The following MMS22L variants were observed in gnomAD, a reference collection of about 807,000 sequenced individuals.
The protein encoded by MMS22L is MMS22 like, DNA repair protein, also known as protein MMS22-like.
In MMS22L, 74 loss-of-function variants were observed where a neutral mutation model predicts 159.1. That is an observed-to-expected ratio of 0.47 (90% CI 0.39 to 0.56). MMS22L has a LOEUF of 0.56. Ranked by LOEUF, MMS22L falls within the 20% of genes least tolerant of loss-of-function variation. The pLI is 0.00. For synonymous variants in MMS22L, 517 were observed against 506.9 expected, an observed-to-expected ratio of 1.02 and a Z score of -0.27; for missense variants, 1,351 against 1,422.1, an observed-to-expected ratio of 0.95 and a Z score of 0.80.
chr6:97,249,298 A>G (rs1160571307), intron 10 of MMS22L, among the ~76,000 whole-genome samples: 3 of 152,280 alleles, frequency 2.0e-5, no homozygotes, highest in South Asian at 2.1e-4. Flanking sequence ...GTACTTCTGG[A>G]CTCTGGCCTA....
At chr6:97,189,070 GCAA>G (rs1428729657) in intron 14 of MMS22L, among the ~76,000 whole-genome samples, 1 of 151,830 alleles carries the variant, frequency 6.6e-6, no homozygotes, top group Non-Finnish European at 1.5e-5. Flanking sequence ...AGGGCCAGGA[GCAA>G]CATCAGAATT....
In MMS22L at chr6:97,269,704, G is replaced by T. The variant is rs540583972; in HGVS notation, c.697+198C>A. Among the ~76,000 whole-genome samples the T allele has an allele frequency of 4.6e-5, 7 of 152,186 alleles. No individual in the cohort carries two copies. In the South Asian group the frequency reaches 1.5e-3, roughly 32 times the overall value. ...TTCTATATATGTATACTAACAGATA[G>T]AAGGTAAATATGGAAAGATAAACCA... is the stretch of plus-strand genomic sequence containing the variant. On this transcript the variant is annotated intron_variant, in intron 7 of 24. Coordinates refer to ENST00000683635, the MANE Select transcript of MMS22L (RefSeq NM_001350599.2).
Position 97,273,075 on chromosome 6 carries a change from T to C in MMS22L, c.341-13A>G, listed in dbSNP as rs754169079. ...GTTGATACCTTCCCTGAAACCAAAA[T>C]AGACAATGTTAATCATAGTTCAAAT... On this transcript the variant is annotated splice_polypyrimidine_tract_variant and intron_variant, in intron 4 of 24. Coordinates refer to ENST00000683635, the MANE Select transcript of MMS22L (RefSeq NM_001350599.2). 2.5e-6 allele frequency: 4 copies of C among 1,586,882 alleles called. No individual in the cohort carries two copies. The highest frequency in any genetic ancestry group is 1.8e-5 in the Admixed American group (1 of 54,390).
At chr6:97,156,806 T>G (rs1363197131) in intron 22 of MMS22L, among the ~76,000 whole-genome samples, 1 of 152,050 alleles carries the variant, frequency 6.6e-6, no homozygotes, top group East Asian at 1.9e-4. Flanking sequence ...TATGCACACT[T>G]TTTTTTGGTT....
intron 14 of MMS22L, among the ~76,000 whole-genome samples, chr6:97,225,063 A>T (rs1302831332): frequency 6.6e-6 from 1 of 152,166 alleles, no homozygotes; most frequent in Non-Finnish European, 1.5e-5. Flanking sequence ...TCACCTATAA[A>T]TAGGGATGGC....
chr6:97,246,742 T>C (rs776668466), intron 10 of MMS22L, 52 bp from the exon 11 acceptor site: 12 of 1,295,762 alleles, frequency 9.3e-6, no homozygotes, highest in Non-Finnish European at 1.3e-5. Context: ...ATTATGCCTA[T>C]ATTTAAAATT....
At chr6:97,153,349 T>C (rs1801510722) in intron 22 of MMS22L, among the ~76,000 whole-genome samples, 2 of 150,096 alleles carry the variant, frequency 1.3e-5, no homozygotes, top group African/African-American at 4.9e-5. Flanking sequence ...TAACCTACTT[T>C]CTGTCTCTAC....
At position 97,229,251 on chromosome 6, in the gene MMS22L, G is replaced by A; in HGVS notation, c.1682C>T (p.Ala561Val). 1.9e-6 allele frequency: 3 copies of A among 1,614,116 alleles called. No homozygotes were observed. Among genetic ancestry groups the A allele is most frequent in the Non-Finnish European group, 2.5e-6 (3 of 1,180,012 alleles). ...GAGGGCTCTCTGAGACGTTACAAAAGCAGGCTTGAGGAAATTCAGGAGGTC... is the reference window on the plus strand; with the variant it reads ...GAGGGCTCTCTGAGACGTTACAAAAACAGGCTTGAGGAAATTCAGGAGGTC... ...VLDLLNFLKP[A>V]FVTSQRALIW... The change falls in exon 14 of 25, where the codon GCT becomes GTT. Residue 561 changes from alanine (A) to valine (V), a missense_variant. Transcript: ENST00000683635.
At chr6:97,167,969 T>G in intron 20 of MMS22L, 102 bp downstream of exon 20, 1 of 977,420 alleles carries the variant, frequency 1.0e-6, no homozygotes, top group Non-Finnish European at 1.5e-6. Flanking sequence ...GCATTTGAGA[T>G]TATAATGTAC....
chr6:97,144,862 T>C lies in MMS22L; in HGVS notation c.*1944A>G, dbSNP rs1195904502. The stretch of plus-strand genomic sequence containing the variant: ...ACACATATTGTTACACACTTTGTTG[T>C]TACCATTCTTAAGTACAAATTTTAG... On this transcript the variant is annotated 3_prime_UTR_variant, in exon 25 of 25. Coordinates refer to ENST00000683635, the MANE Select transcript of MMS22L (RefSeq NM_001350599.2). The C allele has an allele frequency of 6.6e-6, 1 of 152,156 alleles. No individual in the cohort carries two copies. Among genetic ancestry groups the C allele is most frequent in the African/African-American group, 2.4e-5 (1 of 41,446 alleles). 9.4% of individuals were successfully genotyped at this position (152,156 alleles called of 1,614,324 possible).
chr6:97,163,847 G>C (rs1017103878), intron 21 of MMS22L, among the ~76,000 whole-genome samples: 3 of 152,124 alleles, frequency 2.0e-5, no homozygotes, highest in South Asian at 4.1e-4. Flanking sequence ...CTGTGACATA[G>C]GGAGGTATGA....
In MMS22L at chr6:97,144,789, AG is replaced by A. The variant is rs1159265251; in HGVS notation, c.*2016del. 6.6e-6 allele frequency: 1 copy of A among 152,144 alleles called. No individual in the cohort carries two copies. The highest frequency in any genetic ancestry group is 2.1e-4 in the South Asian group (1 of 4,822). 9.4% of individuals were successfully genotyped at this position (152,144 alleles called of 1,614,324 possible). A position where few individuals can be genotyped will look rare whatever the true frequency, so the allele number is the denominator to read the frequency against. On this transcript the variant is annotated 3_prime_UTR_variant, in exon 25 of 25. Transcript: ENST00000683635. ...TTCTTCTTTTTTCAATTTAAAAAAAAGCTTTAAAAAAAGTTACTTATACATA... is the reference window on the plus strand; with the variant it reads ...TTCTTCTTTTTTCAATTTAAAAAAAACTTTAAAAAAAGTTACTTATACATA...
intron 20 of MMS22L, among the ~76,000 whole-genome samples, chr6:97,166,629 G>A (rs560467877): frequency 5.3e-5 from 8 of 152,088 alleles, no homozygotes; most frequent in South Asian, 4.2e-4. Context: ...TGAAAATTCC[G>A]AAGAGGAGAG....
At chr6:97,246,772 G>A (rs1415868180) in intron 10 of MMS22L, 82 bp from the exon 11 acceptor site, 1 of 894,734 alleles carries the variant, frequency 1.1e-6, no homozygotes, top group Non-Finnish European at 1.8e-6. Flanking sequence ...CAAATTAAGT[G>A]TGCAGTACAT....
At chr6:97,251,076 T>C (rs1276811580) in intron 10 of MMS22L, among the ~76,000 whole-genome samples, 1 of 152,212 alleles carries the variant, frequency 6.6e-6, no homozygotes, top group Non-Finnish European at 1.5e-5. Flanking sequence ...TGGATTAGAA[T>C]GACTATCTGA....
At chr6:97,228,812 C>T (rs1027075497) in intron 14 of MMS22L, 82 bp downstream of exon 14, 65 of 1,289,652 alleles carry the variant, frequency 5.0e-5, no homozygotes, top group Admixed American at 3.5e-4. Flanking sequence ...TGTATATATG[C>T]ATATATATAA....
intron 9 of MMS22L, chr6:97,260,057 T>C (rs1424061679): frequency 6.6e-6 from 1 of 152,168 alleles, no homozygotes; most frequent in Non-Finnish European, 1.5e-5. Context: ...ATTTTGCTCT[T>C]ATAAGTTGTT....
chr6:97,208,411 A>G (rs547269834), intron 14 of MMS22L, among the ~76,000 whole-genome samples: 2 of 152,168 alleles, frequency 1.3e-5, no homozygotes, highest in South Asian at 2.1e-4. Flanking sequence ...TGAAGTTATA[A>G]TTATGAATAA....
rs1800890363 is a variant in MMS22L, at chr6:97,145,442, T to C, written c.*1364A>G. 2 of 152,156 alleles carry C rather than the reference T, an allele frequency of 1.3e-5. No individual in the cohort carries two copies. The highest frequency in any genetic ancestry group is 4.1e-4 in the South Asian group (2 of 4,822). 9.4% of individuals were successfully genotyped at this position (152,156 alleles called of 1,614,324 possible). ...TCTTGAAGGAAGAGTAGAACCATGA[T>C]AAAGACTATAATCCCAAGAAGGAAA... On this transcript the variant is annotated 3_prime_UTR_variant, in exon 25 of 25. Coordinates refer to ENST00000683635, the MANE Select transcript of MMS22L (RefSeq NM_001350599.2).
Sources: allele counts gnomAD v4.1 joint callset (sites outside exome capture counted in the v4.1 genomes callset), GRCh38; gene constraint gnomAD v4.1.1; transcripts MANE v1.5; gene names NCBI Gene and HGNC (gene_info 2026-07-23, HGNC 2026-07-21).